The following KCNJ15 variants were observed in gnomAD, a reference collection of about 807,000 sequenced individuals.
KCNJ15 encodes the protein ATP-sensitive inward rectifier potassium channel 15.
In KCNJ15, 14 loss-of-function variants were observed where a neutral mutation model predicts 23.0. That is an observed-to-expected ratio of 0.61 (90% CI 0.40 to 0.95). The LOEUF (loss-of-function observed/expected upper bound fraction) is 0.95, where lower values mean the gene tolerates loss of function less well. Among genes scored for constraint, KCNJ15 ranks in the 40% least tolerant of loss-of-function variants. The pLI is 0.00. For synonymous variants in KCNJ15, 185 were observed against 183.2 expected (o/e 1.01, Z -0.08); for missense variants, 388 against 461.8 (o/e 0.84, Z 1.46).
intron 1 of KCNJ15, among the ~76,000 whole-genome samples, chr21:38,251,589 C>T (rs188512149): frequency 3.3e-5 from 5 of 152,266 alleles, no homozygotes; most frequent in Middle Eastern, 3.4e-3. Flanking sequence ...TTACAGATGC[C>T]GTGGCAAATG....
Position 38,306,400 on chromosome 21 carries a change from C to G in KCNJ15, c.*6011C>G, listed in dbSNP as rs972065516. On this transcript the variant is annotated 3_prime_UTR_variant, in exon 3 of 3. Coordinates refer to ENST00000398938, the MANE Select transcript of KCNJ15 (RefSeq NM_170736.3). Reference sequence around the variant, plus strand: ...AAAAAAAAACCATAAGTTGTTGACTCTGAGCTAGGAAATGCGTGATCTCTC... The same window carrying G: ...AAAAAAAAACCATAAGTTGTTGACTGTGAGCTAGGAAATGCGTGATCTCTC... 6.6e-6 allele frequency: 1 copy of G among 151,162 alleles called. No individual in the cohort carries two copies. The highest frequency in any genetic ancestry group is 1.5e-5 in the Non-Finnish European group (1 of 67,910). The allele number at this position is 151,162 out of a possible 1,614,324, so 9.4% of individuals were successfully genotyped here.
rs1171718120 is a variant in KCNJ15, at chr21:38,288,026, C to CTTTTTTTTTTTTTTTTTTTTTTTTTTTTT, written c.-116-8897_-116-8896insTTTTTTTTTTTTTTTTTTTTTTTTTTTTT. Among the ~76,000 whole-genome samples, 86 of 78,162 alleles carry CTTTTTTTTTTTTTTTTTTTTTTTTTTTTT rather than the reference C, an allele frequency of 1.1e-3. 31 individuals are homozygous for CTTTTTTTTTTTTTTTTTTTTTTTTTTTTT. Among genetic ancestry groups the CTTTTTTTTTTTTTTTTTTTTTTTTTTTTT allele is most frequent in the Admixed American group, 1.6e-3 (8 of 4,958 alleles). 51.3% of individuals were successfully genotyped at this position (78,162 alleles called of 152,430 possible). A position where few individuals can be genotyped will look rare whatever the true frequency, so the allele number is the denominator to read the frequency against. ...CCATTGTTAAATAACTTGTTTTTTT[C>CTTTTTTTTTTTTTTTTTTTTTTTTTTTTT]TTTGTTTTTTTTTTTTTTTTTTTTT... On this transcript the variant is annotated intron_variant, in intron 1 of 2. Coordinates refer to ENST00000398938, the MANE Select transcript of KCNJ15 (RefSeq NM_170736.3).
chr21:38,305,243 T>C lies in KCNJ15; in HGVS notation c.*4854T>C, dbSNP rs1986018722. On this transcript the variant is annotated 3_prime_UTR_variant, in exon 3 of 3. Transcript: ENST00000398938. Reference sequence around the variant, plus strand: ...TGCTTGGTTGACTGTTTCTTCATATTTGCTGTTCATTCTATAAAGTCAAAT... The same window carrying C: ...TGCTTGGTTGACTGTTTCTTCATATCTGCTGTTCATTCTATAAAGTCAAAT... 1 of 152,278 alleles carries C rather than the reference T, an allele frequency of 6.6e-6. No homozygotes were observed. The highest frequency in any genetic ancestry group is 1.5e-5 in the Non-Finnish European group (1 of 68,012). The allele number at this position is 152,278 out of a possible 1,614,324, so 9.4% of individuals were successfully genotyped here.
Position 38,300,051 on chromosome 21 carries a change from C to A in KCNJ15, c.790C>A (p.Leu264Met), listed in dbSNP as rs1383475103. The A allele has an allele frequency of 6.2e-7, 1 of 1,614,120 alleles. No individual in the cohort carries two copies. ...CCATGTGCTGGATGAGACGAGCCCC[C>A]TGAGAGACCTCACACCCCAAAACCT... ...FYHVLDETSP[L>M]RDLTPQNLKE... The change falls in exon 3 of 3, where the codon CTG (leucine) becomes ATG (methionine). Residue 264 changes from leucine (L) to methionine (M), a missense_variant. Leu to Met is a conservative substitution (Grantham distance 15). Transcript: ENST00000398938.
chr21:38,252,660 C>T (rs1170057910), upstream of KCNJ15, among the ~76,000 whole-genome samples: 1 of 151,984 alleles, frequency 6.6e-6, no homozygotes, highest in Non-Finnish European at 1.5e-5. Flanking sequence ...CTGAAATTCA[C>T]GATTTTATTT....
At chr21:38,248,455 T>G (rs893040927) in intron 1 of KCNJ15, among the ~76,000 whole-genome samples, 3 of 152,210 alleles carry the variant, frequency 2.0e-5, no homozygotes, top group African/African-American at 7.2e-5. Context: ...ATTCAAGTAA[T>G]CTAAACTATT....
intron 1 of KCNJ15, among the ~76,000 whole-genome samples, chr21:38,246,187 A>G (rs952351200): frequency 6.6e-6 from 1 of 152,238 alleles, no homozygotes; most frequent in African/African-American, 2.4e-5. Context: ...AGCTGTTATC[A>G]TCAGAGCTAA....
chr21:38,235,786 A>C (rs567027435), intron 1 of KCNJ15, among the ~76,000 whole-genome samples: 1 of 152,340 alleles, frequency 6.6e-6, no homozygotes, highest in South Asian at 2.1e-4. Context: ...AATTACTAAG[A>C]TACTGAGTAC....
intron 1 of KCNJ15, among the ~76,000 whole-genome samples, chr21:38,281,009 A>C (rs1438952549): frequency 6.6e-6 from 1 of 152,206 alleles, no homozygotes; most frequent in Non-Finnish European, 1.5e-5. Context: ...GCCGTTTGCT[A>C]TGCAGAGTGT....
At chr21:38,276,265 T>C (rs565949739) in intron 1 of KCNJ15, among the ~76,000 whole-genome samples, 2 of 152,198 alleles carry the variant, frequency 1.3e-5, no homozygotes, top group African/African-American at 4.8e-5. Flanking sequence ...AAATGTTTGC[T>C]GAATAAATGA....
chr21:38,300,322 A>C lies in KCNJ15; in HGVS notation c.1061A>C (p.Lys354Thr). 2 of 1,614,136 alleles carry C rather than the reference A, an allele frequency of 1.2e-6. No individual in the cohort carries two copies. The highest frequency in any genetic ancestry group is 2.2e-5 in the South Asian group (2 of 91,080). ...ADSEKQQLEE[K>T]YRQEDQRERE... Reference sequence around the variant, plus strand: ...TCTGAGAAACAGCAACTCGAGGAGAAGTACAGGCAGGAGGATCAGAGGGAA... The same window carrying C: ...TCTGAGAAACAGCAACTCGAGGAGACGTACAGGCAGGAGGATCAGAGGGAA... Residue 354 changes from lysine (K) to threonine (T), a missense_variant, in exon 3 of 3, where the codon AAG (lysine) becomes ACG (threonine). By Grantham distance (78) the Lys-to-Thr change is moderately conservative (BLOSUM62 -1). Transcript: ENST00000398938.
chr21:38,281,650 A>G (rs1015343556), intron 1 of KCNJ15, among the ~76,000 whole-genome samples: 1 of 152,080 alleles, frequency 6.6e-6, no homozygotes, highest in African/African-American at 2.4e-5. Flanking sequence ...TTTGTACAAA[A>G]TTTTCTTTAT....
chr21:38,277,771 ACT>A (rs1465468019), intron 1 of KCNJ15, among the ~76,000 whole-genome samples: 2 of 152,216 alleles, frequency 1.3e-5, no homozygotes, highest in African/African-American at 4.8e-5. Context: ...AATTTAGACA[ACT>A]ACGCAGGTAA....
chr21:38,289,802 C>G (rs950671172), intron 1 of KCNJ15, among the ~76,000 whole-genome samples: 2 of 152,090 alleles, frequency 1.3e-5, no homozygotes, highest in African/African-American at 4.8e-5. Flanking sequence ...CTCCTCACCC[C>G]CTCCACACTC....
chr21:38,300,206 A>G lies in KCNJ15; in HGVS notation c.945A>G (p.Val315=), dbSNP rs769292498. The part of the protein sequence containing the change: ...IYWGFEFVPV[V]SLSKNGKYVA... ...GGGGTTTTGAGTTTGTGCCTGTGGT[A>G]TCTCTCTCCAAAAATGGAAAATATG... The change falls in exon 3 of 3, where the codon GTA becomes GTG. Residue 315 remains valine, a synonymous_variant. Transcript: ENST00000398938. 1 of 1,614,140 alleles carries G rather than the reference A, an allele frequency of 6.2e-7. No homozygotes were observed. The highest frequency in any genetic ancestry group is 1.3e-5 in the African/African-American group (1 of 75,042).
chr21:38,240,848 G>A (rs1187292643), intron 1 of KCNJ15, among the ~76,000 whole-genome samples: 1 of 152,180 alleles, frequency 6.6e-6, no homozygotes, highest in African/African-American at 2.4e-5. Flanking sequence ...CTGTCTTCCT[G>A]GAGCTCAGTT....
At chr21:38,272,239 A>G (rs993494958) in intron 1 of KCNJ15, 1 of 152,242 alleles carries the variant, frequency 6.6e-6, no homozygotes, top group African/African-American at 2.4e-5. Flanking sequence ...TACCTTAATG[A>G]TGCCAGAGGA....
At chr21:38,260,627 G>A (rs1413291907) in intron 1 of KCNJ15, among the ~76,000 whole-genome samples, 1 of 152,152 alleles carries the variant, frequency 6.6e-6, no homozygotes, top group Non-Finnish European at 1.5e-5. Flanking sequence ...TCAGGGTCAC[G>A]TGATCATGCT....
intron 1 of KCNJ15, among the ~76,000 whole-genome samples, chr21:38,239,446 C>T (rs1454475539): frequency 1.3e-5 from 2 of 152,188 alleles, no homozygotes; most frequent in Non-Finnish European, 2.9e-5. Flanking sequence ...TTCTGCGAAG[C>T]CTCTTCTGGG....
Sources: gnomAD v4.1 joint callset for allele counts (sites outside exome capture counted in the v4.1 genomes callset) on GRCh38, gnomAD v4.1.1 for gene constraint, MANE v1.5 for transcripts, NCBI Gene and HGNC (gene_info 2026-07-23, HGNC 2026-07-21) for gene names.